The following TRABD2B variants were observed in gnomAD, a reference collection of about 807,000 sequenced individuals.
TRABD2B encodes TraB domain containing 2B.
A neutral mutation model predicts 40.1 loss-of-function variants in TRABD2B; 14 were observed. That is an observed-to-expected ratio of 0.35 (90% CI 0.23 to 0.55). TRABD2B has a LOEUF of 0.55. Among genes scored for constraint, TRABD2B ranks in the 20% least tolerant of loss-of-function variants. TRABD2B has a pLI of 0.90. For missense variants in TRABD2B, 541 were observed against 648.6 expected (o/e 0.83, Z 1.80); for synonymous variants, 263 against 277.0 (o/e 0.95, Z 0.50).
chr1:47,828,248 C>A (rs1645202448), intron 2 of TRABD2B, among the ~76,000 whole-genome samples: 1 of 152,168 alleles, frequency 6.6e-6, no homozygotes, highest in African/African-American at 2.4e-5. Flanking sequence ...AGCACTGTCC[C>A]CCTCGCTGGC....
At chr1:47,989,204 A>T (rs1645964795) in intron 2 of TRABD2B, among the ~76,000 whole-genome samples, 1 of 152,118 alleles carries the variant, frequency 6.6e-6, no homozygotes, top group Non-Finnish European at 1.5e-5. Context: ...TAAATTACCC[A>T]CTGTAAGGTA....
rs1254096717 is a variant in TRABD2B at position 47,993,273 on chromosome 1, G to A, written c.666+761C>T. Reference sequence around the variant, plus strand: ...AGTTTGGGGCCAGTGAGTAGCAAGTGACCTCTGCCCATGGAGAAGGGGCTT... The same window carrying A: ...AGTTTGGGGCCAGTGAGTAGCAAGTAACCTCTGCCCATGGAGAAGGGGCTT... On this transcript the variant is annotated intron_variant, in intron 2 of 6. Coordinates refer to ENST00000606738, the MANE Select transcript of TRABD2B (RefSeq NM_001194986.2). Among the ~76,000 whole-genome samples the A allele has an allele frequency of 3.9e-5, 6 of 152,172 alleles. No individual in the cohort carries two copies. The East Asian group carries it at 7.7e-4, about 20-fold the overall frequency.
At chr1:47,766,137 C>G in intron 6 of TRABD2B, 31 bp from the exon 7 acceptor site, 1 of 700,936 alleles carries the variant, frequency 1.4e-6, no homozygotes, top group Non-Finnish European at 2.6e-6. Context: ...GGCAGAGTCA[C>G]CATCGGCAGC....
At chr1:47,995,822 C>T (rs1375893707) in intron 1 of TRABD2B, among the ~76,000 whole-genome samples, 1 of 152,168 alleles carries the variant, frequency 6.6e-6, no homozygotes, top group Non-Finnish European at 1.5e-5. Context: ...AGTCAGCCAA[C>T]GAGCTCCCTG....
intron 2 of TRABD2B, among the ~76,000 whole-genome samples, chr1:47,855,938 A>G (rs898253459): frequency 6.6e-6 from 1 of 152,204 alleles, no homozygotes; most frequent in Non-Finnish European, 1.5e-5. Flanking sequence ...CCAGTTGGTG[A>G]TATTATGTTA....
At chr1:47,830,394 A>G (rs2124446796) in intron 2 of TRABD2B, among the ~76,000 whole-genome samples, 1 of 152,366 alleles carries the variant, frequency 6.6e-6, no homozygotes, top group Admixed American at 6.5e-5. Flanking sequence ...CTACCAAGAA[A>G]TGAAGTGACT....
chr1:47,892,093 C>G (rs1271987471), intron 2 of TRABD2B, among the ~76,000 whole-genome samples: 1 of 152,152 alleles, frequency 6.6e-6, no homozygotes, highest in African/African-American at 2.4e-5. Context: ...TGGGAGAAGG[C>G]AACAGAAGGG....
At chr1:47,794,444 C>T (rs3738314) in intron 4 of TRABD2B, 142 bp downstream of exon 4, 309,465 of 877,292 alleles carry the variant, frequency 0.35, 57,079 homozygotes, top group Non-Finnish European at 0.38. Flanking sequence ...CCTTGGATCT[C>T]GGTGCTGCTG....
At chr1:47,962,414 C>T (rs1211739490) in intron 2 of TRABD2B, among the ~76,000 whole-genome samples, 1 of 152,096 alleles carries the variant, frequency 6.6e-6, no homozygotes, top group Non-Finnish European at 1.5e-5. Context: ...TTGACTGCAG[C>T]CCAGCAATAG....
intron 2 of TRABD2B, among the ~76,000 whole-genome samples, chr1:47,843,790 C>T (rs1186443823): frequency 6.6e-6 from 1 of 152,182 alleles, no homozygotes; most frequent in Non-Finnish European, 1.5e-5. Flanking sequence ...AGCCTGCTGA[C>T]AACAGGACTC....
At chr1:47,959,280 C>T (rs1645473575) in intron 2 of TRABD2B, among the ~76,000 whole-genome samples, 1 of 152,050 alleles carries the variant, frequency 6.6e-6, no homozygotes, top group Non-Finnish European at 1.5e-5. Context: ...AAAATTGACA[C>T]CCTGACATCA....
intron 2 of TRABD2B, among the ~76,000 whole-genome samples, chr1:47,934,795 C>T (rs1198312707): frequency 6.6e-6 from 1 of 152,148 alleles, no homozygotes; most frequent in Non-Finnish European, 1.5e-5. Flanking sequence ...TAACAGGAGG[C>T]ATCTGGTGAC....
intron 2 of TRABD2B, among the ~76,000 whole-genome samples, chr1:47,913,095 C>T (rs1422312525): frequency 6.6e-6 from 1 of 152,198 alleles, no homozygotes; most frequent in Non-Finnish European, 1.5e-5. Flanking sequence ...TGCTCTGTAG[C>T]CCTCTCTTTA....
At chr1:47,842,181 C>T (rs965325211) in intron 2 of TRABD2B, among the ~76,000 whole-genome samples, 16 of 152,300 alleles carry the variant, frequency 1.1e-4, no homozygotes, top group African/African-American at 3.9e-4. Flanking sequence ...TTGATTTTAG[C>T]TTCCCTTTCT....
In TRABD2B at chr1:47,994,101, GTCT is replaced by G. The variant is rs1646052409; in HGVS notation, c.596_598del (p.Lys199del). The G allele has an allele frequency of 7.2e-6, 11 of 1,536,266 alleles. No individual in the cohort carries two copies. The highest frequency in any genetic ancestry group is 9.6e-6 in the Non-Finnish European group (11 of 1,146,948). On this transcript the variant is annotated inframe_deletion, in exon 2 of 7. Transcript: ENST00000606738. The surrounding 1 kb of genome is among the most constrained non-coding windows in gnomAD (Gnocchi z 6.7). Reference sequence around the variant, plus strand: ...CTCCACCTGCTCCACAGCCCCTGTGGTCTTCTTCATCTTCTCAGCCTGCTGGGC... The same window carrying G: ...CTCCACCTGCTCCACAGCCCCTGTGGTCTTCATCTTCTCAGCCTGCTGGGC...
intron 2 of TRABD2B, among the ~76,000 whole-genome samples, chr1:47,990,015 T>C (rs1006802081): frequency 6.6e-6 from 1 of 152,166 alleles, no homozygotes; most frequent in Non-Finnish European, 1.5e-5. Flanking sequence ...GATAATGTAA[T>C]TATGAGGTCT....
chr1:47,880,489 A>T (rs1644287270), intron 2 of TRABD2B, among the ~76,000 whole-genome samples: 1 of 152,210 alleles, frequency 6.6e-6, no homozygotes, highest in Non-Finnish European at 1.5e-5. Context: ...TTAAGTCGTT[A>T]AGTGTGTGGT....
intron 2 of TRABD2B, among the ~76,000 whole-genome samples, chr1:47,924,692 G>C (rs1205303193): frequency 6.6e-6 from 1 of 152,092 alleles, no homozygotes; most frequent in East Asian, 1.9e-4. Flanking sequence ...GCCTGAAAGA[G>C]GAGTGGAAGT....
At chr1:47,897,667 A>T (rs1212443081) in intron 2 of TRABD2B, among the ~76,000 whole-genome samples, 1 of 152,098 alleles carries the variant, frequency 6.6e-6, no homozygotes, top group Admixed American at 6.5e-5. Flanking sequence ...ATCACAGCTC[A>T]ATCAGTTTCC....
Sources: allele counts gnomAD v4.1 joint callset (sites outside exome capture counted in the v4.1 genomes callset), GRCh38; gene constraint gnomAD v4.1.1; non-coding constraint Gnocchi (gnomAD v3.1); transcripts MANE v1.5; gene names NCBI Gene and HGNC (gene_info 2026-07-23, HGNC 2026-07-21).